The following ANKRD6 variants were observed in gnomAD, a reference collection of about 807,000 sequenced individuals.
ANKRD6 encodes the protein ankyrin repeat domain-containing protein 6.
Under a neutral mutation model 82.3 loss-of-function variants are expected in ANKRD6, and 56 were observed. That is an observed-to-expected ratio of 0.68 (90% CI 0.55 to 0.85). The LOEUF (loss-of-function observed/expected upper bound fraction) is 0.85, where lower values mean the gene tolerates loss of function less well. ANKRD6 is among the 40% of genes least tolerant of loss of function. ANKRD6 has a pLI of 0.00. For synonymous variants in ANKRD6, 347 were observed against 352.1 expected (o/e 0.99, Z 0.16); for missense variants, 852 against 907.6 (o/e 0.94, Z 0.79).
chr6:89,599,286 T>C (rs777144799), intron 3 of ANKRD6, among the ~76,000 whole-genome samples: 1 of 152,098 alleles, frequency 6.6e-6, no homozygotes, highest in Non-Finnish European at 1.5e-5. Context: ...AGTGGGAAGA[T>C]TGATTGAGCC....
At chr6:89,453,055 C>A (rs1773046421) in intron 1 of ANKRD6, among the ~76,000 whole-genome samples, 1 of 152,222 alleles carries the variant, frequency 6.6e-6, no homozygotes, top group African/African-American at 2.4e-5. Context: ...ATAAAACCAT[C>A]ACTCTGGTCA....
At chr6:89,531,627 C>G (rs1423145765) in intron 1 of ANKRD6, among the ~76,000 whole-genome samples, 1 of 152,232 alleles carries the variant, frequency 6.6e-6, no homozygotes, top group African/African-American at 2.4e-5. Context: ...GAGATCCGGT[C>G]TCTTGGACCT....
intron 1 of ANKRD6, among the ~76,000 whole-genome samples, chr6:89,449,869 C>T (rs1003223188): frequency 2.0e-5 from 3 of 152,022 alleles, no homozygotes; most frequent in Non-Finnish European, 4.4e-5. Flanking sequence ...GAATCTATCT[C>T]GGGTGAAGAT....
At chr6:89,494,097 C>CTTGAGACCAGGAGT (rs1778330346) in intron 1 of ANKRD6, among the ~76,000 whole-genome samples, 1 of 152,010 alleles carries the variant, frequency 6.6e-6, no homozygotes, top group South Asian at 2.1e-4. Context: ...AGGAGGATCA[C>CTTGAGACCAGGAGT]TTGAGACCAG....
chr6:89,532,250 C>A (rs929535544), intron 1 of ANKRD6, among the ~76,000 whole-genome samples: 1 of 152,202 alleles, frequency 6.6e-6, no homozygotes, highest in Non-Finnish European at 1.5e-5. Context: ...TGTGGCCCAA[C>A]CAAATTGACA....
At chr6:89,580,799 T>C (rs1236479193) in intron 2 of ANKRD6, among the ~76,000 whole-genome samples, 4 of 152,178 alleles carry the variant, frequency 2.6e-5, no homozygotes, top group Non-Finnish European at 5.9e-5. Context: ...CCTGAACTCG[T>C]GTTTGCCGAC....
At chr6:89,565,354 C>T (rs1788263442) in intron 1 of ANKRD6, 1 of 152,188 alleles carries the variant, frequency 6.6e-6, no homozygotes, top group Non-Finnish European at 1.5e-5. Context: ...TTCTGCTATT[C>T]TTTACCTGCA....
intron 1 of ANKRD6, among the ~76,000 whole-genome samples, chr6:89,460,909 C>CTTTCTTTTTTT (rs1774053168): frequency 7.4e-6 from 1 of 135,900 alleles, no homozygotes; most frequent in African/African-American, 2.8e-5. Flanking sequence ...TTTTGGAATT[C>CTTTCTTTTTTT]TTTTTTTTTG....
At position 89,624,638 on chromosome 6, in the gene ANKRD6, C is replaced by G; in HGVS notation, c.1318C>G (p.Gln440Glu). Residue 440 changes from glutamine to glutamate, a missense_variant, in exon 13 of 16, where the codon CAG (glutamine) becomes GAG (glutamate). By Grantham distance (29) the Gln-to-Glu change is conservative. Coordinates refer to ENST00000339746, the MANE Select transcript of ANKRD6 (RefSeq NM_001242809.2). ...GATAAAAGCAGAGCTGGGATCGGTT[C>G]AGGACAAAATGAATACAAAGCTGGG... is the stretch of plus-strand genomic sequence containing the variant. Reference protein sequence around the residue: ...EEIKAELGSVQDKMNTKLGQM... With the variant: ...EEIKAELGSVEDKMNTKLGQM... 1 of 1,591,756 alleles carries G rather than the reference C, an allele frequency of 6.3e-7. No individual in the cohort carries two copies. The highest frequency in any genetic ancestry group is 1.8e-5 in the Admixed American group (1 of 56,872).
Position 89,631,108 on chromosome 6 carries a change from G to T in ANKRD6, c.*104G>T. ...CAACTATTGTATATATTGCAGATTT[G>T]CCTTTTTAAAAAAATCACTAATTCT... is the stretch of plus-strand genomic sequence containing the variant. On this transcript the variant is annotated 3_prime_UTR_variant, in exon 16 of 16. Transcript: ENST00000339746. 1 of 1,404,974 alleles carries T rather than the reference G, an allele frequency of 7.1e-7. No individual in the cohort carries two copies. The highest frequency in any genetic ancestry group is 9.2e-7 in the Non-Finnish European group (1 of 1,084,152). 87.0% of individuals were successfully genotyped at this position (1,404,974 alleles called of 1,614,324 possible). A position where few individuals can be genotyped will look rare whatever the true frequency, so the allele number is the denominator to read the frequency against.
intron 1 of ANKRD6, among the ~76,000 whole-genome samples, chr6:89,460,628 G>A (rs1774010550): frequency 6.6e-6 from 1 of 151,844 alleles, no homozygotes; most frequent in African/African-American, 2.4e-5. Context: ...TAGAGACGGG[G>A]TTTCACCATG....
At chr6:89,560,843 A>C (rs1313384061) in intron 1 of ANKRD6, 5 of 152,318 alleles carry the variant, frequency 3.3e-5, no homozygotes, top group African/African-American at 1.2e-4. Flanking sequence ...AAGAAAAAAG[A>C]AAAACGGTAG....
chr6:89,569,208 C>G (rs1789230589), intron 2 of ANKRD6, among the ~76,000 whole-genome samples: 1 of 152,186 alleles, frequency 6.6e-6, no homozygotes, highest in African/African-American at 2.4e-5. Context: ...AGCCACCGCG[C>G]CTGGCTCCTA....
chr6:89,517,466 G>A (rs568177355), intron 1 of ANKRD6, among the ~76,000 whole-genome samples: 2 of 152,254 alleles, frequency 1.3e-5, no homozygotes, highest in South Asian at 4.1e-4. Flanking sequence ...CTCATTTGAT[G>A]TTTTTCTGGT....
At chr6:89,613,999 C>G in intron 7 of ANKRD6, 109 bp downstream of exon 7, 3 of 1,106,706 alleles carry the variant, frequency 2.7e-6, no homozygotes, top group Non-Finnish European at 3.9e-6. Flanking sequence ...TGCCATGTCA[C>G]CTACCTGGGA....
chr6:89,480,350 C>T (rs1027450740), intron 1 of ANKRD6, among the ~76,000 whole-genome samples: 6 of 152,250 alleles, frequency 3.9e-5, no homozygotes, highest in Middle Eastern at 3.4e-3. Flanking sequence ...TATGGTGACA[C>T]ATGGGAATAG....
At chr6:89,515,852 C>A (rs983444746) in intron 1 of ANKRD6, among the ~76,000 whole-genome samples, 1 of 152,142 alleles carries the variant, frequency 6.6e-6, no homozygotes, top group African/African-American at 2.4e-5. Flanking sequence ...TCACATATAT[C>A]CTTATAAGAA....
At chr6:89,526,133 G>A (rs550560066) in intron 1 of ANKRD6, among the ~76,000 whole-genome samples, 2 of 152,332 alleles carry the variant, frequency 1.3e-5, no homozygotes, top group Admixed American at 6.5e-5. Context: ...AGTCGATAAA[G>A]GGACATCTAT....
chr6:89,473,739 G>A (rs551051069), intron 1 of ANKRD6, among the ~76,000 whole-genome samples: 1 of 152,214 alleles, frequency 6.6e-6, no homozygotes, highest in East Asian at 1.9e-4. Flanking sequence ...AGCACTTTGG[G>A]TGGCCGAGGT....
Sources: allele counts gnomAD v4.1 joint callset (sites outside exome capture counted in the v4.1 genomes callset), GRCh38; gene constraint gnomAD v4.1.1; transcripts MANE v1.5; gene names NCBI Gene and HGNC (gene_info 2026-07-23, HGNC 2026-07-21).